Variants in PTPN1 observed in about 807,000 individuals in gnomAD.
The protein encoded by PTPN1 is protein tyrosine phosphatase non-receptor type 1.
In PTPN1, 12 loss-of-function variants were observed where a neutral mutation model predicts 59.9. The ratio of observed to expected loss-of-function variants is 0.20; its 90% CI spans 0.13 to 0.32. The LOEUF is 0.32. Ranked by LOEUF, PTPN1 falls within the 10% of genes least tolerant of loss-of-function variation. PTPN1 has a pLI of 1.00. For synonymous variants in PTPN1, 178 were observed against 203.6 expected (o/e 0.87, Z 1.07); for missense variants, 356 against 549.2 (o/e 0.65, Z 3.52).
At chr20:50,513,460 AGGGGTTGGGTCCG>A (rs922382165) in intron 1 of PTPN1, among the ~76,000 whole-genome samples, 1 of 151,950 alleles carries the variant, frequency 6.6e-6, no homozygotes, top group Non-Finnish European at 1.5e-5. Context: ...GTAGTTTAAG[AGGGGTTGGGTCCG>A]GTGTTTTGCT....
chr20:50,569,673 TCTCTGTAGACCGTCGTGTATAGACTGTC>T, intron 4 of PTPN1, among the ~76,000 whole-genome samples: 1 of 151,136 alleles, frequency 6.6e-6, no homozygotes, highest in African/African-American at 2.4e-5. Flanking sequence ...GTGTAGACTG[TCTCTGTAGACCGTCGTGTATAGACTGTC>T]CTGTGTAGAC....
chr20:50,543,742 G>A (rs1002734018), intron 1 of PTPN1, among the ~76,000 whole-genome samples: 3 of 152,180 alleles, frequency 2.0e-5, no homozygotes, highest in African/African-American at 7.2e-5. Flanking sequence ...TTTTAAAAAA[G>A]TGGTATTCCA....
chr20:50,517,347 T>C (rs1045859349), intron 1 of PTPN1, among the ~76,000 whole-genome samples: 3 of 152,202 alleles, frequency 2.0e-5, no homozygotes, highest in African/African-American at 7.2e-5. Context: ...CTCCACCTCC[T>C]GGGCTCAAGT....
rs572991899 is a variant in PTPN1, at chr20:50,583,017, C to T, written c.*302C>T. Reference sequence around the variant, plus strand: ...AGGGGCCTACACCCGTCTTGGGGCTCGCCCCACCCAGGGCTCCCTCCTGGA... The same window carrying T: ...AGGGGCCTACACCCGTCTTGGGGCTTGCCCCACCCAGGGCTCCCTCCTGGA... On this transcript the variant is annotated 3_prime_UTR_variant, in exon 10 of 10. Transcript: ENST00000371621. 1.6e-5 allele frequency: 7 copies of T among 434,874 alleles called. No individual in the cohort carries two copies. Among genetic ancestry groups the T allele is most frequent in the South Asian group, 8.3e-5 (2 of 24,214 alleles). The allele number at this position is 434,874 out of a possible 1,614,324, so 26.9% of individuals were successfully genotyped here. A position where few individuals can be genotyped will look rare whatever the true frequency, so the allele number is the denominator to read the frequency against.
intron 1 of PTPN1, among the ~76,000 whole-genome samples, chr20:50,537,799 T>A (rs2082630663): frequency 3.3e-5 from 5 of 152,222 alleles, no homozygotes. Flanking sequence ...AAAGGTATGC[T>A]GGATGATACC....
rs1453864113 is a variant in PTPN1, at chr20:50,578,550, A to G, written c.623A>G (p.His208Arg). The change falls in exon 6 of 10, where the codon CAC (histidine) becomes CGC (arginine). Residue 208 changes from histidine (H) to arginine (R), a missense_variant. This residue lies in a region of PTPN1 where 194 missense variants were observed against 344.2 expected (regional missense o/e 0.56). Coordinates refer to ENST00000371621, the MANE Select transcript of PTPN1 (RefSeq NM_002827.4). ...VRESGSLSPE[H>R]GPVVVHCSAG... is the part of the protein sequence containing the mutation. ...GAGTCAGGGTCACTCAGCCCGGAGC[A>G]CGGGCCCGTTGTGGTGCACTGCAGT... 5.0e-6 allele frequency: 8 copies of G among 1,613,518 alleles called. No homozygotes were observed. Among genetic ancestry groups the G allele is most frequent in the Non-Finnish European group, 6.8e-6 (8 of 1,179,726 alleles).
intron 5 of PTPN1, among the ~76,000 whole-genome samples, chr20:50,576,325 G>A (rs2082836593): frequency 6.6e-6 from 1 of 152,232 alleles, no homozygotes; most frequent in Non-Finnish European, 1.5e-5. Context: ...AGAGCTGTGC[G>A]CTTTTTGCTT....
chr20:50,570,975 A>G (rs1272583950), intron 4 of PTPN1: 2 of 152,256 alleles, frequency 1.3e-5, no homozygotes, highest in African/African-American at 4.8e-5. Flanking sequence ...CAGATATAGT[A>G]GCATTTGCTT....
At chr20:50,572,056 G>A (rs1402690281) in intron 4 of PTPN1, 1 of 152,230 alleles carries the variant, frequency 6.6e-6, no homozygotes, top group Non-Finnish European at 1.5e-5. Flanking sequence ...CCGTCACAGG[G>A]TTACTGTAGA....
chr20:50,521,514 T>C (rs1055020523), intron 1 of PTPN1, among the ~76,000 whole-genome samples: 1 of 152,250 alleles, frequency 6.6e-6, no homozygotes. Context: ...ACTATGGCAG[T>C]GTGGCCACTG....
intron 1 of PTPN1, among the ~76,000 whole-genome samples, chr20:50,544,133 C>T (rs924629509): frequency 1.3e-4 from 20 of 151,540 alleles, no homozygotes; most frequent in African/African-American, 4.6e-4. Context: ...CATGAGCCAC[C>T]GCGCCTGGAC....
Position 50,579,914 on chromosome 20 carries a change from A to G in PTPN1, c.1076A>G (p.Tyr359Cys), listed in dbSNP as rs866027737. Residue 359 changes from tyrosine (Y) to cysteine (C), a missense_variant, in exon 8 of 10, where the codon TAC becomes TGC. By Grantham distance (194) the Tyr-to-Cys change is radical. Coordinates refer to ENST00000371621, the MANE Select transcript of PTPN1 (RefSeq NM_002827.4). The stretch of plus-strand genomic sequence containing the variant: ...GGAAGCCCCTTAAATGCCGCACCCT[A>G]CGGCATCGAAAGGTAATATGATTGG... ...EKGSPLNAAP[Y>C]GIESMSQDTE... 1.9e-6 allele frequency: 3 copies of G among 1,613,206 alleles called. No individual in the cohort carries two copies. The highest frequency in any genetic ancestry group is 1.1e-5 in the South Asian group (1 of 91,066).
rs1036244619 is a variant in PTPN1 at position 50,582,515 on chromosome 20, A to G, written c.1285-177A>G. Among the ~76,000 whole-genome samples, 1 of 152,076 alleles carries G rather than the reference A, an allele frequency of 6.6e-6. No homozygotes were observed. The highest frequency in any genetic ancestry group is 6.5e-5 in the Admixed American group (1 of 15,284). On this transcript the variant is annotated intron_variant, in intron 9 of 9. Coordinates refer to ENST00000371621, the MANE Select transcript of PTPN1 (RefSeq NM_002827.4). The surrounding 1 kb of genome is among the most constrained non-coding windows in gnomAD (Gnocchi z 4.2). ...CAGATGGTTTTGCAAAATGCAAACAATTTTTTCCTTGGGGATGATTTTTGG... is the reference window on the plus strand; with the variant it reads ...CAGATGGTTTTGCAAAATGCAAACAGTTTTTTCCTTGGGGATGATTTTTGG...
In PTPN1 at chr20:50,584,034, C is replaced by G. The variant is rs925887014; in HGVS notation, c.*1319C>G. On this transcript the variant is annotated 3_prime_UTR_variant, in exon 10 of 10. Transcript: ENST00000371621. Reference sequence around the variant, plus strand: ...CCGGTTCACCTTGCCGAGAGAGGCGCGTCTGCCCCACCCTCAAACCCTGTG... The same window carrying G: ...CCGGTTCACCTTGCCGAGAGAGGCGGGTCTGCCCCACCCTCAAACCCTGTG... 1 of 152,658 alleles carries G rather than the reference C, an allele frequency of 6.6e-6. No homozygotes were observed. Among genetic ancestry groups the G allele is most frequent in the Non-Finnish European group, 1.5e-5 (1 of 68,048 alleles). 9.5% of individuals were successfully genotyped at this position (152,658 alleles called of 1,614,324 possible).
At chr20:50,579,989 A>T (rs1181174066) in intron 8 of PTPN1, 63 bp downstream of exon 8, 2 of 1,448,552 alleles carry the variant, frequency 1.4e-6, no homozygotes, top group Admixed American at 1.8e-5. Context: ...CTAGAAACAC[A>T]CGCTGGTACT....
At chr20:50,574,032 G>A (rs1007139451) in intron 4 of PTPN1, 1 of 152,772 alleles carries the variant, frequency 6.5e-6, no homozygotes, top group Non-Finnish European at 1.5e-5. Context: ...TCTGTATTTG[G>A]TGATAACTGC....
At chr20:50,526,451 CTT>C (rs2082575887) in intron 1 of PTPN1, among the ~76,000 whole-genome samples, 1 of 152,080 alleles carries the variant, frequency 6.6e-6, no homozygotes, top group African/African-American at 2.4e-5. Context: ...CACAACCTGT[CTT>C]TCCATATCAA....
chr20:50,524,500 C>T (rs187992800), intron 1 of PTPN1, among the ~76,000 whole-genome samples: 12 of 146,544 alleles, frequency 8.2e-5, no homozygotes, highest in African/African-American at 3.1e-4. Flanking sequence ...GAATAAAGGT[C>T]TCATTTAGTT....
intron 3 of PTPN1, among the ~76,000 whole-genome samples, chr20:50,567,177 C>G (rs780243829): frequency 6.6e-6 from 1 of 152,140 alleles, no homozygotes; most frequent in East Asian, 1.9e-4. Flanking sequence ...CCTGTAATCC[C>G]AGCACTTTGG....
Sources: gnomAD v4.1 joint callset for allele counts (sites outside exome capture counted in the v4.1 genomes callset) on GRCh38, gnomAD v4.1.1 for gene constraint, gnomAD v4.1.1 regional missense constraint, Gnocchi (gnomAD v3.1) non-coding constraint, MANE v1.5 for transcripts, NCBI Gene and HGNC (gene_info 2026-07-23, HGNC 2026-07-21) for gene names.